Variants in GRID1 observed in about 807,000 individuals in gnomAD.
GRID1 encodes glutamate receptor ionotropic, delta-1.
Under a neutral mutation model 98.0 loss-of-function variants are expected in GRID1, and 28 were observed. The ratio of observed to expected loss-of-function variants is 0.29; its 90% CI spans 0.21 to 0.39. GRID1 has a LOEUF of 0.39. Ranked by LOEUF, GRID1 falls within the 10% of genes least tolerant of loss-of-function variation. The pLI, the probability that GRID1 is intolerant of heterozygous loss-of-function variation, is 1.00. For missense variants in GRID1, 1,111 were observed against 1,340.5 expected, an observed-to-expected ratio of 0.83 and a Z score of 2.67; for synonymous variants, 553 against 538.5, an observed-to-expected ratio of 1.03 and a Z score of -0.37.
rs1457293689 is a variant in GRID1 at position 85,832,265 on chromosome 10, C to T, written c.1233+22231G>A. ...AAGTTGCAGCAACTTCATACAAACT[C>T]GTTCAGAAATAGAGAAAAATACACA... On this transcript the variant is annotated intron_variant, in intron 8 of 15. Transcript: ENST00000327946. 3.3e-5 allele frequency among the ~76,000 whole-genome samples: 5 copies of T among 151,996 alleles called. No individual in the cohort carries two copies. The South Asian group carries it at 8.3e-4, about 25-fold the overall frequency.
At chr10:85,899,813 G>A (rs759544821) in intron 5 of GRID1, among the ~76,000 whole-genome samples, 2 of 152,200 alleles carry the variant, frequency 1.3e-5, no homozygotes, top group Admixed American at 6.5e-5. Flanking sequence ...AGTATCAGGC[G>A]TGAAAGTACC....
intron 12 of GRID1, among the ~76,000 whole-genome samples, chr10:85,657,986 A>G (rs1206360052): frequency 6.6e-6 from 1 of 152,174 alleles, no homozygotes; most frequent in African/African-American, 2.4e-5. Context: ...TTGCTGCCAC[A>G]AATCAAGACA....
chr10:85,812,774 T>C (rs997863366), intron 8 of GRID1, among the ~76,000 whole-genome samples: 3 of 151,810 alleles, frequency 2.0e-5, no homozygotes, highest in Non-Finnish European at 4.4e-5. Context: ...TCTCTCTCTT[T>C]CACTACATAT....
intron 12 of GRID1, among the ~76,000 whole-genome samples, chr10:85,678,366 C>T (rs1183029519): frequency 6.6e-6 from 1 of 152,196 alleles, no homozygotes; most frequent in Admixed American, 6.5e-5. Context: ...CCTCCACCGG[C>T]CTCTTTCAAA....
At chr10:85,674,531 C>G (rs1209818706) in intron 12 of GRID1, among the ~76,000 whole-genome samples, 12 of 152,112 alleles carry the variant, frequency 7.9e-5, no homozygotes, top group Admixed American at 7.9e-4. Context: ...ATTGATTGAT[C>G]AAGATGACTA....
intron 8 of GRID1, among the ~76,000 whole-genome samples, chr10:85,844,185 G>A (rs957571525): frequency 6.6e-6 from 1 of 151,904 alleles, no homozygotes; most frequent in African/African-American, 2.4e-5. Context: ...TTATAATACT[G>A]TGTGATTCAA....
rs140724029 is a variant in GRID1 at position 85,956,592 on chromosome 10, TC to T, written c.727-40354del. Among the ~76,000 whole-genome samples the T allele has an allele frequency of 6.5e-3, 992 of 152,272 alleles. 9 individuals carry two copies. The highest frequency in any genetic ancestry group is 0.022 in the African/African-American group (928 of 41,548). On this transcript the variant is annotated intron_variant, in intron 4 of 15. Coordinates refer to ENST00000327946, the MANE Select transcript of GRID1 (RefSeq NM_017551.3). ...GCCTGGTTTGGGCTCATGCATGTGG[TC>T]TGATTACTCTAAGCTACCCAAACAT...
chr10:85,937,225 G>A (rs912812244), intron 4 of GRID1, among the ~76,000 whole-genome samples: 2 of 152,220 alleles, frequency 1.3e-5, no homozygotes, highest in Admixed American at 6.5e-5. Context: ...TTCTAAAGAA[G>A]AGCAAAGATG....
chr10:85,671,785 A>G (rs1176819334), intron 12 of GRID1, among the ~76,000 whole-genome samples: 1 of 152,236 alleles, frequency 6.6e-6, no homozygotes, highest in Non-Finnish European at 1.5e-5. Context: ...AAGAAAACTA[A>G]AAGTGAAACT....
chr10:85,721,918 A>G (rs779341493), intron 12 of GRID1, among the ~76,000 whole-genome samples: 2 of 152,212 alleles, frequency 1.3e-5, no homozygotes, highest in African/African-American at 4.8e-5. Flanking sequence ...ATCAGTGTCA[A>G]TACCCTGGTT....
chr10:85,980,382 T>G (rs1404882956), intron 4 of GRID1, among the ~76,000 whole-genome samples: 1 of 152,024 alleles, frequency 6.6e-6, no homozygotes, highest in Non-Finnish European at 1.5e-5. Flanking sequence ...GCAGTAGGAG[T>G]TTTAGATACA....
At chr10:85,626,294 T>G (rs1247512077) in intron 13 of GRID1, among the ~76,000 whole-genome samples, 5 of 152,230 alleles carry the variant, frequency 3.3e-5, no homozygotes. Context: ...TGGAGCCATG[T>G]CAACCTGAGT....
intron 8 of GRID1, among the ~76,000 whole-genome samples, chr10:85,805,079 A>T (rs1842611623): frequency 6.6e-6 from 1 of 151,462 alleles, no homozygotes; most frequent in Middle Eastern, 3.2e-3. Flanking sequence ...GATAAGAAAA[A>T]TATACTAGAA....
chr10:85,892,698 G>A (rs1328723824), intron 5 of GRID1, among the ~76,000 whole-genome samples: 1 of 151,930 alleles, frequency 6.6e-6, no homozygotes, highest in Non-Finnish European at 1.5e-5. Context: ...AATAGAATGT[G>A]TTCTTAAAAT....
intron 4 of GRID1, among the ~76,000 whole-genome samples, chr10:85,980,614 T>A (rs536018920): frequency 7.2e-5 from 11 of 152,282 alleles, no homozygotes; most frequent in Non-Finnish European, 1.5e-4. Flanking sequence ...TTCTTCCCTA[T>A]GGAAAACACA....
intron 15 of GRID1, among the ~76,000 whole-genome samples, chr10:85,611,908 GC>G (rs1174833580): frequency 6.6e-6 from 1 of 152,200 alleles, no homozygotes; most frequent in African/African-American, 2.4e-5. Flanking sequence ...TCCTTTCAGG[GC>G]CTTTTCCTCA....
At chr10:86,080,459 G>A (rs59837793) in intron 4 of GRID1, among the ~76,000 whole-genome samples, 19,182 of 25,562 alleles carry the variant, frequency 0.75, 6,891 homozygotes, top group East Asian at 0.88. Context: ...GAGGGGAGGG[G>A]AGGGGAGGGA....
intron 4 of GRID1, among the ~76,000 whole-genome samples, chr10:86,067,052 G>C (rs1182131385): frequency 1.3e-5 from 2 of 152,132 alleles, no homozygotes; most frequent in Admixed American, 6.5e-5. Context: ...CCCCCTTAAT[G>C]GTCCTCAAAC....
chr10:86,141,117 G>A (rs1287484643), intron 3 of GRID1, among the ~76,000 whole-genome samples: 2 of 151,964 alleles, frequency 1.3e-5, no homozygotes, highest in Admixed American at 6.6e-5. Flanking sequence ...CCAGCCCCAG[G>A]GCCGAGATGA....
Sources: allele counts gnomAD v4.1 joint callset (sites outside exome capture counted in the v4.1 genomes callset), GRCh38; gene constraint gnomAD v4.1.1; transcripts MANE v1.5; gene names NCBI Gene and HGNC (gene_info 2026-07-23, HGNC 2026-07-21).